ASB8: variants seen among roughly 807,000 people sequenced by gnomAD.
ASB8 encodes the protein ankyrin repeat and SOCS box protein 8.
ASB8 carries 15 observed loss-of-function variants against 22.9 expected under a neutral mutation model. The ratio of observed to expected loss-of-function variants is 0.66; its 90% confidence interval spans 0.44 to 1.01. ASB8 has a LOEUF of 1.01. Ranked by LOEUF, ASB8 falls within the 50% of genes least tolerant of loss-of-function variation. ASB8 has a pLI of 0.00. For missense variants in ASB8, 294 were observed against 356.9 expected, an observed-to-expected ratio of 0.82 and a Z score of 1.42; for synonymous variants, 124 against 140.8, an observed-to-expected ratio of 0.88 and a Z score of 0.84.
chr12:48,149,812 C>T lies in ASB8; in HGVS notation c.421G>A (p.Gly141Arg), dbSNP rs775652127. 27 of 1,613,890 alleles carry T rather than the reference C, an allele frequency of 1.7e-5. No individual in the cohort carries two copies. The highest frequency in any genetic ancestry group is 2.2e-5 in the East Asian group (1 of 44,890). ...AECVRALLES[G>R]ASVNALDYNN... The stretch of plus-strand genomic sequence containing the variant: ...TAATCCAGGGCATTGACAGAGGCCC[C>T]GCTCTCTAGGAGAGCCCGCACACAC... The change falls in exon 4 of 4, where the codon GGG becomes AGG. Residue 141 changes from glycine to arginine, a missense_variant. Gly to Arg is a moderately radical substitution (Grantham distance 125). Transcript: ENST00000317697.
Position 48,149,736 on chromosome 12 carries a change from C to A in ASB8, c.497G>T (p.Ser166Ile). ...GCCATAATCCAGAAGGATGCTGACA[C>A]TCTCAAGATTTCCCTTCATGGCAGC... ...SWAAMKGNLE[S>I]VSILLDYGAE... Residue 166 changes from serine to isoleucine, a missense_variant, in exon 4 of 4, where the codon AGT becomes ATT. By Grantham distance (142) the Ser-to-Ile change is moderately radical. Coordinates refer to ENST00000317697, the MANE Select transcript of ASB8 (RefSeq NM_024095.5). 3.1e-6 allele frequency: 5 copies of A among 1,614,196 alleles called. No homozygotes were observed. Among genetic ancestry groups the A allele is most frequent in the Non-Finnish European group, 4.2e-6 (5 of 1,180,034 alleles).
At chr12:48,150,592 C>T (rs1951184196) in intron 3 of ASB8, among the ~76,000 whole-genome samples, 1 of 152,112 alleles carries the variant, frequency 6.6e-6, no homozygotes, top group Non-Finnish European at 1.5e-5. Flanking sequence ...CACAAATCTC[C>T]CAGTGCTGGA....
intron 1 of ASB8, among the ~76,000 whole-genome samples, chr12:48,155,077 CTTCAA>C (rs1951278536): frequency 6.6e-6 from 1 of 152,168 alleles, no homozygotes; most frequent in South Asian, 2.1e-4. Context: ...ATGCAATATA[CTTCAA>C]TTCAACTTAA....
rs1227776689 is a variant in ASB8 at position 48,149,440 on chromosome 12, G to A, written c.793C>T (p.Gln265Ter). ...CCCTTCACTGCATCGGGGAGATACT[G>A]GAGTCCCAGGCTACGGCGCACGGCA... ...RYAVRRSLGL[Q>*]YLPDAVKGLP... The change falls in exon 4 of 4, where the codon CAG (glutamine) becomes TAG (stop). Residue 265 changes from glutamine to a stop codon, truncating the protein, a stop_gained. Transcript: ENST00000317697. LOFTEE classifies it high-confidence loss of function. The A allele has an allele frequency of 6.2e-7, 1 of 1,614,002 alleles. No individual in the cohort carries two copies. Among genetic ancestry groups the A allele is most frequent in the Admixed American group, 1.7e-5 (1 of 60,022 alleles).
chr12:48,151,304 C>A lies in ASB8; in HGVS notation c.131G>T (p.Gly44Val). The change falls in exon 3 of 4, where the codon GGA becomes GTA. Residue 44 changes from glycine (G) to valine (V), a missense_variant and splice_region_variant. By Grantham distance (109) the Gly-to-Val change is moderately radical. Transcript: ENST00000317697. ...HDNVEDLIRG[G>V]ADVNCTHGTL... ...GCCATGAGTGCAGTTCACATCTGCT[C>A]CCTGTGGGCAGAAGACAACTTCAGT... 6.2e-7 allele frequency: 1 copy of A among 1,610,398 alleles called. No individual in the cohort carries two copies. The highest frequency in any genetic ancestry group is 8.5e-7 in the Non-Finnish European group (1 of 1,177,548).
At position 48,149,663 on chromosome 12, in the gene ASB8, G is replaced by C; in HGVS notation, c.570C>G (p.Arg190=). The change falls in exon 4 of 4, where the codon CGC becomes CGG. Residue 190 remains arginine (R), a synonymous_variant. Coordinates refer to ENST00000317697, the MANE Select transcript of ASB8 (RefSeq NM_024095.5). ...INLIGQTPIS[R]LVALLVRGLG... is the part of the protein sequence containing the mutation. ...GTCCCCTGACTAGCAGAGCCACCAG[G>C]CGGGAGATGGGTGTCTGGCCTATTA... The C allele has an allele frequency of 6.2e-7, 1 of 1,614,134 alleles. No individual in the cohort carries two copies. Among genetic ancestry groups the C allele is most frequent in the Non-Finnish European group, 8.5e-7 (1 of 1,179,992 alleles).
chr12:48,150,881 A>AG, intron 3 of ASB8: 1 of 484,772 alleles, frequency 2.1e-6, no homozygotes, highest in East Asian at 3.4e-5. Flanking sequence ...ACGGAAATAT[A>AG]AACAGCCCCT....
At chr12:48,150,212 C>G in intron 3 of ASB8, 1 of 706,644 alleles carries the variant, frequency 1.4e-6, no homozygotes, top group Non-Finnish European at 2.6e-6. Context: ...AAACAGTCAA[C>G]ACTATTATGT....
rs1302494023 is a variant in ASB8 at position 48,153,243 on chromosome 12, G to A, written c.129+125C>T. ...AATACATTTTAATGATCAAGTTAATGCAGTTAGCAAAATGTAAAAACTCCC... is the reference window on the plus strand; with the variant it reads ...AATACATTTTAATGATCAAGTTAATACAGTTAGCAAAATGTAAAAACTCCC... On this transcript the variant is annotated intron_variant, in intron 2 of 3. Transcript: ENST00000317697. The A allele has an allele frequency of 1.1e-5, 13 of 1,142,582 alleles. No homozygotes were observed. In the East Asian group the frequency reaches 2.6e-4, roughly 23 times the overall value. The allele number at this position is 1,142,582 out of a possible 1,614,324, so 70.8% of individuals were successfully genotyped here. A position where few individuals can be genotyped will look rare whatever the true frequency, so the allele number is the denominator to read the frequency against.
In ASB8 at chr12:48,147,869, G is replaced by A. The variant is rs1328700766; in HGVS notation, c.*1497C>T. The stretch of plus-strand genomic sequence containing the variant: ...ATCAATAGGACAGAAGAAGACATCT[G>A]TTTTCCAATTAGCTGTGTCAGTAGA... On this transcript the variant is annotated 3_prime_UTR_variant, in exon 4 of 4. Transcript: ENST00000317697. 3 of 152,040 alleles carry A rather than the reference G, an allele frequency of 2.0e-5. No individual in the cohort carries two copies. Among genetic ancestry groups the A allele is most frequent in the African/African-American group, 4.8e-5 (2 of 41,370 alleles). The allele number at this position is 152,040 out of a possible 1,614,324, so 9.4% of individuals were successfully genotyped here.
chr12:48,156,832 G>A (rs2136084663), intron 1 of ASB8, among the ~76,000 whole-genome samples: 1 of 152,212 alleles, frequency 6.6e-6, no homozygotes, highest in African/African-American at 2.4e-5. Flanking sequence ...AATGGTCAAG[G>A]AAAGCTAAAT....
In ASB8 at chr12:48,153,542, A is replaced by C. The variant is rs779266644; in HGVS notation, c.-33-13T>G. The C allele has an allele frequency of 7.5e-6, 12 of 1,603,458 alleles. No homozygotes were observed. The highest frequency in any genetic ancestry group is 2.7e-5 in the African/African-American group (2 of 74,696). ...TGCTCCAAACTGCCTGAAACAAAGA[A>C]GTTTTCGGCATATACAATATCACTG... On this transcript the variant is annotated splice_polypyrimidine_tract_variant and intron_variant, in intron 1 of 3. Coordinates refer to ENST00000317697, the MANE Select transcript of ASB8 (RefSeq NM_024095.5).
chr12:48,154,381 TG>T, intron 1 of ASB8, among the ~76,000 whole-genome samples: 1 of 141,806 alleles, frequency 7.1e-6, no homozygotes, highest in Non-Finnish European at 1.5e-5. Flanking sequence ...CTTGGGAGGC[TG>T]GGGCAGGAGA....
intron 1 of ASB8, among the ~76,000 whole-genome samples, chr12:48,156,488 G>A (rs888574759): frequency 6.6e-6 from 1 of 152,138 alleles, no homozygotes; most frequent in African/African-American, 2.4e-5. Flanking sequence ...GACCAAAGTG[G>A]TTCTGTTGCC....
In ASB8 at chr12:48,151,325, T is replaced by TCAGTCAGTGTGTTCAG; in HGVS notation, c.130-36_130-21dup. 1.3e-6 allele frequency: 2 copies of TCAGTCAGTGTGTTCAG among 1,578,030 alleles called. No individual in the cohort carries two copies. Among genetic ancestry groups the TCAGTCAGTGTGTTCAG allele is most frequent in the Non-Finnish European group, 1.7e-6 (2 of 1,148,866 alleles). The stretch of plus-strand genomic sequence containing the variant: ...TGCTCCCTGTGGGCAGAAGACAACT[T>TCAGTCAGTGTGTTCAG]CAGTCAGTGTGTTCAGCTCTGGCTT... On this transcript the variant is annotated intron_variant, in intron 2 of 3. Transcript: ENST00000317697.
At chr12:48,156,986 G>GAAAAAAAAAAAAAA (rs745913404) in intron 1 of ASB8, 1 of 77,368 alleles carries the variant, frequency 1.3e-5, no homozygotes, top group African/African-American at 4.7e-5. Context: ...CTGAGAAGCT[G>GAAAAAAAAAAAAAA]AAAAAAAAAA....
chr12:48,149,505 A>G lies in ASB8; in HGVS notation c.728T>C (p.Leu243Pro). The G allele has an allele frequency of 1.9e-6, 3 of 1,614,234 alleles. No homozygotes were observed. The highest frequency in any genetic ancestry group is 1.3e-5 in the African/African-American group (1 of 75,054). Residue 243 changes from leucine to proline, a missense_variant, in exon 4 of 4, where the codon CTG becomes CCG. Leu to Pro is a moderately conservative substitution (Grantham distance 98, BLOSUM62 -3). Transcript: ENST00000317697. ...DPQLCEKLTVLCSAPGTLKTL... is the reference protein window; with the variant it reads ...DPQLCEKLTVPCSAPGTLKTL... ...TTTTAGAGTTCCTGGAGCTGAGCAC[A>G]GAACAGTCAGTTTTTCACATAGCTG... is the stretch of plus-strand genomic sequence containing the variant.
At chr12:48,155,199 A>G (rs1212703166) in intron 1 of ASB8, among the ~76,000 whole-genome samples, 1 of 152,240 alleles carries the variant, frequency 6.6e-6, no homozygotes, top group Non-Finnish European at 1.5e-5. Flanking sequence ...TAGGGAAAAT[A>G]TAATACACAG....
intron 2 of ASB8, 157 bp downstream of exon 2, chr12:48,153,209 CAT>C (rs1211545144): frequency 3.6e-6 from 3 of 844,596 alleles, no homozygotes; most frequent in South Asian, 1.7e-5. Flanking sequence ...GCGAAGCAAA[CAT>C]AGGGGAAATA....
Sources: gnomAD v4.1 joint callset for allele counts (sites outside exome capture counted in the v4.1 genomes callset) on GRCh38, gnomAD v4.1.1 for gene constraint, MANE v1.5 for transcripts, NCBI Gene and HGNC (gene_info 2026-07-23, HGNC 2026-07-21) for gene names.